The following TTC28 variants were observed in gnomAD, a reference collection of about 807,000 sequenced individuals.
TTC28 encodes the protein tetratricopeptide repeat domain 28.
In TTC28, 61 loss-of-function variants were observed where a neutral mutation model predicts 198.0. The observed-to-expected ratio is 0.31, with a 90% confidence interval of 0.25 to 0.38. The LOEUF (loss-of-function observed/expected upper bound fraction) is 0.38. Among genes scored for constraint, TTC28 ranks in the 10% least tolerant of loss-of-function variants. The pLI is 1.00. For missense variants in TTC28, 2,678 were observed against 3,164.0 expected (o/e 0.85, Z 3.69); for synonymous variants, 1,171 against 1,297.8 (o/e 0.90, Z 2.10).
At chr22:28,429,971 T>C (rs912178532) in intron 2 of TTC28, among the ~76,000 whole-genome samples, 4 of 152,110 alleles carry the variant, frequency 2.6e-5, no homozygotes, top group African/African-American at 9.7e-5. Flanking sequence ...GTGGGATGTA[T>C]TATTCTTTTA....
chr22:28,085,579 G>C (rs139659498), intron 12 of TTC28, among the ~76,000 whole-genome samples: 2 of 152,194 alleles, frequency 1.3e-5, no homozygotes, highest in African/African-American at 2.4e-5. Context: ...AAAGACCATC[G>C]AGGCTAGGAA....
chr22:28,198,239 T>C (rs1423625290), intron 5 of TTC28, among the ~76,000 whole-genome samples: 1 of 152,128 alleles, frequency 6.6e-6, no homozygotes, highest in Non-Finnish European at 1.5e-5. Flanking sequence ...TTTAGCAGCA[T>C]CCCTGTCTGA....
intron 2 of TTC28, among the ~76,000 whole-genome samples, chr22:28,622,517 CCAAT>C (rs532226381): frequency 1.9e-4 from 29 of 148,780 alleles, no homozygotes; most frequent in Non-Finnish European, 3.7e-4. Context: ...TTCAAATAAA[CCAAT>C]AAATAGCATG....
chr22:28,288,762 G>T (rs1386337949), intron 5 of TTC28, among the ~76,000 whole-genome samples: 4 of 148,498 alleles, frequency 2.7e-5, no homozygotes, highest in Non-Finnish European at 3.0e-5. Context: ...GCAGTGAGCC[G>T]AGATCACGCT....
chr22:28,121,138 G>C (rs1288358702), intron 6 of TTC28, among the ~76,000 whole-genome samples: 1 of 152,206 alleles, frequency 6.6e-6, no homozygotes, highest in East Asian at 1.9e-4. Context: ...GCACATCACA[G>C]AGATGCTATT....
At chr22:28,648,530 G>C (rs978519739) in intron 1 of TTC28, among the ~76,000 whole-genome samples, 4 of 152,194 alleles carry the variant, frequency 2.6e-5, no homozygotes, top group Non-Finnish European at 4.4e-5. Flanking sequence ...ATATCAAAAA[G>C]ACACATGCAT....
chr22:28,062,050 G>C (rs1425000999), intron 12 of TTC28, among the ~76,000 whole-genome samples: 1 of 151,918 alleles, frequency 6.6e-6, no homozygotes, highest in Non-Finnish European at 1.5e-5. Flanking sequence ...TCAACTTTAA[G>C]TCTACTATCT....
At chr22:28,604,358 T>C (rs186315440) in intron 2 of TTC28, among the ~76,000 whole-genome samples, 224 of 148,856 alleles carry the variant, frequency 1.5e-3, no homozygotes, top group Admixed American at 0.014. Context: ...CTTTCATAAC[T>C]TTTTATCTGA....
chr22:28,097,950 A>C (rs1209452291), intron 10 of TTC28, among the ~76,000 whole-genome samples: 1 of 152,186 alleles, frequency 6.6e-6, no homozygotes, highest in Non-Finnish European at 1.5e-5. Flanking sequence ...TTAATAGATA[A>C]ATTTTTCAAG....
intron 5 of TTC28, among the ~76,000 whole-genome samples, chr22:28,193,612 A>G (rs1366126883): frequency 6.6e-6 from 1 of 152,160 alleles, no homozygotes; most frequent in African/African-American, 2.4e-5. Context: ...CAAATGGAAA[A>G]CAAAAAAAGG....
At chr22:28,234,120 A>G (rs1178136758) in intron 5 of TTC28, among the ~76,000 whole-genome samples, 7 of 151,666 alleles carry the variant, frequency 4.6e-5, no homozygotes, top group African/African-American at 1.7e-4. Flanking sequence ...GTTAGCCAGG[A>G]TGGTCTCGAT....
chr22:28,241,557 G>A (rs1043827630), intron 5 of TTC28, among the ~76,000 whole-genome samples: 12 of 151,838 alleles, frequency 7.9e-5, no homozygotes, highest in African/African-American at 1.7e-4. Context: ...TAAGTATTTC[G>A]GGGCAAAAGG....
At chr22:28,071,397 C>A (rs1940962141) in intron 12 of TTC28, among the ~76,000 whole-genome samples, 1 of 151,004 alleles carries the variant, frequency 6.6e-6, no homozygotes, top group South Asian at 2.1e-4. Context: ...GAATACTATG[C>A]AGCCATAAAA....
chr22:28,546,184 A>G (rs1300833556), intron 2 of TTC28, among the ~76,000 whole-genome samples: 1 of 152,234 alleles, frequency 6.6e-6, no homozygotes, highest in Non-Finnish European at 1.5e-5. Flanking sequence ...CCTCAAATAT[A>G]TGGTCAACTG....
At chr22:28,374,630 T>C (rs2046382424) in intron 2 of TTC28, among the ~76,000 whole-genome samples, 1 of 152,152 alleles carries the variant, frequency 6.6e-6, no homozygotes, top group Non-Finnish European at 1.5e-5. Context: ...CATTGGAAAA[T>C]AGAGACAAAG....
At chr22:28,204,238 G>C (rs1461927070) in intron 5 of TTC28, among the ~76,000 whole-genome samples, 1 of 152,110 alleles carries the variant, frequency 6.6e-6, no homozygotes, top group Non-Finnish European at 1.5e-5. Flanking sequence ...TAGGCACTTA[G>C]AACTGAACTC....
intron 1 of TTC28, among the ~76,000 whole-genome samples, chr22:28,652,922 C>A (rs976099746): frequency 6.6e-6 from 1 of 152,140 alleles, no homozygotes; most frequent in Non-Finnish European, 1.5e-5. Context: ...CAAGCCCTCA[C>A]CAGAAAATGC....
At chr22:28,067,621 G>T (rs1044128788) in intron 12 of TTC28, among the ~76,000 whole-genome samples, 2 of 152,092 alleles carry the variant, frequency 1.3e-5, no homozygotes, top group Non-Finnish European at 2.9e-5. Flanking sequence ...CTGTGTTTTT[G>T]CTCTGAATCC....
intron 2 of TTC28, among the ~76,000 whole-genome samples, chr22:28,488,275 T>C (rs1406010396): frequency 2.6e-5 from 4 of 152,156 alleles, no homozygotes; most frequent in Non-Finnish European, 5.9e-5. Flanking sequence ...TTTCCCACAC[T>C]AAATTTTCCT....
Sources: allele counts gnomAD v4.1 joint callset (sites outside exome capture counted in the v4.1 genomes callset), GRCh38; gene constraint gnomAD v4.1.1; transcripts MANE v1.5; gene names NCBI Gene and HGNC (gene_info 2026-07-23, HGNC 2026-07-21).